Variants in GARIN1B observed in about 807,000 individuals in gnomAD.
GARIN1B encodes the protein Golgi-associated RAB2 interactor protein 1B.
the GARIN1B span, chr7:128,716,939 CA>C: frequency 2.5e-6 from 4 of 1,613,968 alleles, no homozygotes; most frequent in Non-Finnish European, 2.5e-6. Context: ...CAAATGGCAC[CA>C]GGGGCAGAAC....
At chr7:128,724,937 C>G in the GARIN1B span, 9 of 1,165,456 alleles carry the variant, frequency 7.7e-6, no homozygotes, top group Non-Finnish European at 9.9e-6. Context: ...TTGAGCATAT[C>G]GAAACCTGGG....
the GARIN1B span, among the ~76,000 whole-genome samples, chr7:128,711,450 A>T: frequency 6.6e-6 from 1 of 152,194 alleles, no homozygotes; most frequent in Non-Finnish European, 1.5e-5. Context: ...AAGCTAAGGG[A>T]ACATGCTTGG....
chr7:128,723,323 A>G, the GARIN1B span: 1 of 1,610,414 alleles, frequency 6.2e-7, no homozygotes, highest in Non-Finnish European at 8.5e-7. Flanking sequence ...GTTGAGGTAC[A>G]TGACTTAAAT....
the GARIN1B span, chr7:128,714,226 C>T: frequency 1.6e-6 from 2 of 1,239,296 alleles, no homozygotes; most frequent in East Asian, 2.5e-5. Context: ...TAATGATTGT[C>T]AAACTCTGTC....
the GARIN1B span, among the ~76,000 whole-genome samples, chr7:128,724,519 A>C: frequency 6.6e-6 from 1 of 152,130 alleles, no homozygotes; most frequent in East Asian, 1.9e-4. Flanking sequence ...ATGGCTGAGG[A>C]AATGTCGCTG....
At chr7:128,731,097 C>A in the GARIN1B span, 6 of 1,611,834 alleles carry the variant, frequency 3.7e-6, no homozygotes, top group Admixed American at 6.7e-5. Flanking sequence ...CCTACACTCA[C>A]AGGAAATTCT....
At chr7:128,731,036 C>T in the GARIN1B span, 3 of 1,407,468 alleles carry the variant, frequency 2.1e-6, no homozygotes, top group Non-Finnish European at 3.0e-6. Flanking sequence ...TATCTGTGTG[C>T]CCACAAAAGA....
chr7:128,729,168 C>A, the GARIN1B span, among the ~76,000 whole-genome samples: 1 of 152,114 alleles, frequency 6.6e-6, no homozygotes. Flanking sequence ...TTTTCTCATT[C>A]GGCGAGGGAG....
chr7:128,715,045 G>A, the GARIN1B span, among the ~76,000 whole-genome samples: 1 of 152,170 alleles, frequency 6.6e-6, no homozygotes. Context: ...AGCTTTTAAA[G>A]TTGTGTGAGA....
chr7:128,710,963 T>C, the GARIN1B span, among the ~76,000 whole-genome samples: 1 of 152,140 alleles, frequency 6.6e-6, no homozygotes, highest in Admixed American at 6.5e-5. Flanking sequence ...TGGCCTGGTT[T>C]TTCTTGTTTC....
chr7:128,718,289 G>C, the GARIN1B span, among the ~76,000 whole-genome samples: 1 of 151,966 alleles, frequency 6.6e-6, no homozygotes, highest in Non-Finnish European at 1.5e-5. Flanking sequence ...AAAATTAGAC[G>C]GGCCTGGTGG....
chr7:128,721,753 G>A, the GARIN1B span, among the ~76,000 whole-genome samples: 3 of 152,106 alleles, frequency 2.0e-5, no homozygotes, highest in Non-Finnish European at 4.4e-5. Flanking sequence ...TCTGATTGAG[G>A]ACATTCCCTT....
the GARIN1B span, chr7:128,715,719 C>G: frequency 1.3e-6 from 2 of 1,564,160 alleles, no homozygotes; most frequent in Non-Finnish European, 1.8e-6. Context: ...GAATAGCACT[C>G]TTTGATTCTT....
At chr7:128,731,230 A>T in the GARIN1B span, 1 of 994,692 alleles carries the variant, frequency 1.0e-6, no homozygotes, top group Non-Finnish European at 1.6e-6. Flanking sequence ...CCAAGGAAGA[A>T]TAGAGTCATC....
the GARIN1B span, among the ~76,000 whole-genome samples, chr7:128,720,965 AT>A: frequency 6.6e-6 from 1 of 151,884 alleles, no homozygotes; most frequent in African/African-American, 2.4e-5. Flanking sequence ...TTTCATATAA[AT>A]TTTAGAATCA....
the GARIN1B span, among the ~76,000 whole-genome samples, chr7:128,717,289 A>G: frequency 1.4e-4 from 22 of 152,286 alleles, no homozygotes; most frequent in African/African-American, 4.6e-4. Context: ...ATTGGGCCCA[A>G]GGGCAAGGAG....
chr7:128,710,022 A>T, the GARIN1B span, among the ~76,000 whole-genome samples: 16 of 151,858 alleles, frequency 1.1e-4, no homozygotes, highest in African/African-American at 3.9e-4. Context: ...GGTTCAAGCA[A>T]TTCTCCTGCC....
chr7:128,729,815 C>T, the GARIN1B span: 7 of 1,410,260 alleles, frequency 5.0e-6, no homozygotes, highest in Non-Finnish European at 5.9e-6. Flanking sequence ...CCTGGCACAT[C>T]GTAAGCACCC....
the GARIN1B span, among the ~76,000 whole-genome samples, chr7:128,712,210 TG>T: frequency 6.6e-6 from 1 of 152,188 alleles, no homozygotes; most frequent in Non-Finnish European, 1.5e-5. Context: ...CTAATTCATA[TG>T]GGCCTTATGA....
Sources: allele counts gnomAD v4.1 joint callset (sites outside exome capture counted in the v4.1 genomes callset), GRCh38; gene constraint gnomAD v4.1.1; transcripts MANE v1.5; gene names NCBI Gene and HGNC (gene_info 2026-07-23, HGNC 2026-07-21).